Variants in TRIM55 observed in about 807,000 individuals in gnomAD.
TRIM55 encodes the protein tripartite motif-containing protein 55.
In TRIM55, 50 loss-of-function variants were observed where a neutral mutation model predicts 60.9. That is an observed-to-expected ratio of 0.82 (90% CI 0.65 to 1.04). The LOEUF is 1.04. TRIM55 is among the 50% of genes least tolerant of loss of function. The pLI, the probability that TRIM55 is intolerant of heterozygous loss-of-function variation, is 0.00. For missense variants in TRIM55, 681 were observed against 666.9 expected (o/e 1.02, Z -0.23); for synonymous variants, 237 against 238.1 (o/e 1.00, Z 0.04).
At chr8:66,132,712 C>T (rs532089350) in intron 2 of TRIM55, among the ~76,000 whole-genome samples, 19 of 152,256 alleles carry the variant, frequency 1.2e-4, no homozygotes, top group Admixed American at 5.9e-4. Flanking sequence ...CATGCCAAAT[C>T]GGTCCCAAGT....
chr8:66,168,499 G>C (rs1811446023), intron 9 of TRIM55, among the ~76,000 whole-genome samples: 1 of 152,208 alleles, frequency 6.6e-6, no homozygotes, highest in Admixed American at 6.5e-5. Context: ...ATCTGGCTTT[G>C]GTTCTCTGAC....
intron 2 of TRIM55, among the ~76,000 whole-genome samples, chr8:66,131,278 T>C (rs1809141726): frequency 6.6e-6 from 1 of 152,160 alleles, no homozygotes; most frequent in Non-Finnish European, 1.5e-5. Flanking sequence ...AATTCATTAC[T>C]ACTGGGCCTC....
the TRIM55 span, among the ~76,000 whole-genome samples, chr8:66,118,840 G>A: frequency 6.6e-6 from 1 of 152,160 alleles, no homozygotes; most frequent in Admixed American, 6.5e-5. Flanking sequence ...TCTCTCCGCT[G>A]CTCATGAGTG....
At chr8:66,166,430 GTGCTGTACATCC>G (rs555971786) in intron 9 of TRIM55, among the ~76,000 whole-genome samples, 251 of 152,276 alleles carry the variant, frequency 1.6e-3, no homozygotes, top group South Asian at 4.4e-3. Flanking sequence ...ACTTTTGTTA[GTGCTGTACATCC>G]TGTGGGATTT....
rs768531091 is a variant in TRIM55 at position 66,137,182 on chromosome 8, A to T, written c.595A>T (p.Thr199Ser). Residue 199 changes from threonine to serine, a missense_variant, in exon 4 of 10, where the codon ACT (threonine) becomes TCT (serine). Transcript: ENST00000315962. The part of the protein sequence containing the change: ...VISQLEDTCK[T>S]IEECCRKQKQ... ...CAGCCAGCTGGAAGACACCTGCAAA[A>T]CTATCGAGGTGAGTCAGGTGACTCC... 6.2e-7 allele frequency: 1 copy of T among 1,613,814 alleles called. No individual in the cohort carries two copies. The highest frequency in any genetic ancestry group is 1.3e-5 in the African/African-American group (1 of 74,904).
chr8:66,171,730 G>C (rs1425452796), intron 9 of TRIM55, among the ~76,000 whole-genome samples: 3 of 152,186 alleles, frequency 2.0e-5, no homozygotes, highest in African/African-American at 4.8e-5. Flanking sequence ...TCCATCTCGG[G>C]AAGGCTGTAG....
chr8:66,160,792 C>T (rs73250000), intron 9 of TRIM55, among the ~76,000 whole-genome samples: 7,882 of 151,114 alleles, frequency 0.052, 621 homozygotes, highest in African/African-American at 0.17. Flanking sequence ...TTTTTCTGTA[C>T]GCTTGTTGGC....
intron 2 of TRIM55, among the ~76,000 whole-genome samples, chr8:66,131,562 G>T (rs1443407440): frequency 6.6e-6 from 1 of 152,146 alleles, no homozygotes; most frequent in Non-Finnish European, 1.5e-5. Context: ...TGAACCCCTT[G>T]CTCCCTGGAT....
At position 66,152,588 on chromosome 8, in the gene TRIM55, T is replaced by A; in HGVS notation, c.1197T>A (p.Pro399=). 1 of 1,614,078 alleles carries A rather than the reference T, an allele frequency of 6.2e-7. No homozygotes were observed. Among genetic ancestry groups the A allele is most frequent in the Non-Finnish European group, 8.5e-7 (1 of 1,180,012 alleles). ...GALPVSSPEP[P]PALPPAADAP... is the part of the protein sequence containing the mutation. ...TTCCAGTTTCCTCTCCAGAGCCACC[T>A]CCAGCCCTGCCACCTGCTGCGGATG... The change falls in exon 8 of 10, where the codon CCT becomes CCA. Residue 399 remains proline (P), a synonymous_variant. Coordinates refer to ENST00000315962, the MANE Select transcript of TRIM55 (RefSeq NM_184085.2).
chr8:66,128,325 A>G lies in TRIM55; in HGVS notation c.190A>G (p.Thr64Ala). The change falls in exon 2 of 10, where the codon ACA becomes GCA. Residue 64 changes from threonine (T) to alanine (A), a missense_variant. By Grantham distance (58) the Thr-to-Ala change is moderately conservative (BLOSUM62 0). Coordinates refer to ENST00000315962, the MANE Select transcript of TRIM55 (RefSeq NM_184085.2). ...ACAGGCCTCTAACCCGTATTTGCCC[A>G]CAAGAGGAGGTACCACCATGGCATC... ...IFQASNPYLP[T>A]RGGTTMASGG... 1 of 1,609,384 alleles carries G rather than the reference A, an allele frequency of 6.2e-7. No individual in the cohort carries two copies. Among genetic ancestry groups the G allele is most frequent in the Non-Finnish European group, 8.5e-7 (1 of 1,178,056 alleles).
At chr8:66,128,944 T>G (rs1046845534) in intron 2 of TRIM55, among the ~76,000 whole-genome samples, 3 of 152,196 alleles carry the variant, frequency 2.0e-5, no homozygotes, top group Non-Finnish European at 4.4e-5. Context: ...TAAAATTGTT[T>G]GGATGATAAT....
chr8:66,144,267 C>A (rs895950447), intron 4 of TRIM55, among the ~76,000 whole-genome samples: 1 of 152,200 alleles, frequency 6.6e-6, no homozygotes, highest in Non-Finnish European at 1.5e-5. Context: ...TCCCACCCAT[C>A]ATCATCTTAC....
intron 4 of TRIM55, 138 bp from the exon 5 acceptor site, chr8:66,149,507 A>G (rs958621150): frequency 1.5e-6 from 1 of 662,510 alleles, no homozygotes; most frequent in Admixed American, 2.9e-5. Flanking sequence ...GGGTATCCAT[A>G]CCTAAATAGA....
chr8:66,120,788 C>T, the TRIM55 span, among the ~76,000 whole-genome samples: 1 of 152,164 alleles, frequency 6.6e-6, no homozygotes, highest in Non-Finnish European at 1.5e-5. Context: ...CTTTTTGGCT[C>T]TAATAAAACT....
intron 3 of TRIM55, among the ~76,000 whole-genome samples, 167 bp downstream of exon 3, chr8:66,135,322 G>T (rs190622146): frequency 6.6e-6 from 1 of 152,358 alleles, no homozygotes; most frequent in Non-Finnish European, 1.5e-5. Flanking sequence ...CATGTGCACA[G>T]TTGTGCACGA....
At chr8:66,149,348 GA>G (rs1275001701) in intron 4 of TRIM55, among the ~76,000 whole-genome samples, 1 of 151,994 alleles carries the variant, frequency 6.6e-6, no homozygotes, top group African/African-American at 2.4e-5. Context: ...TAATATAAAA[GA>G]AAATCATTCT....
At chr8:66,121,485 T>TTG in the TRIM55 span, among the ~76,000 whole-genome samples, 16 of 152,368 alleles carry the variant, frequency 1.1e-4, no homozygotes, top group East Asian at 3.1e-3. Context: ...GACCTAAAGC[T>TTG]ACCTTCATAC....
chr8:66,142,242 A>G (rs1306560329), intron 4 of TRIM55, among the ~76,000 whole-genome samples: 1 of 152,220 alleles, frequency 6.6e-6, no homozygotes, highest in Non-Finnish European at 1.5e-5. Context: ...GAGATTCTGG[A>G]GCATCTTTTA....
intron 4 of TRIM55, among the ~76,000 whole-genome samples, chr8:66,142,358 G>T (rs752369455): frequency 6.6e-6 from 1 of 152,152 alleles, no homozygotes; most frequent in African/African-American, 2.4e-5. Flanking sequence ...AATGACTTCC[G>T]TTATTTATCT....
Sources: allele counts gnomAD v4.1 joint callset (sites outside exome capture counted in the v4.1 genomes callset), GRCh38; gene constraint gnomAD v4.1.1; transcripts MANE v1.5; gene names NCBI Gene and HGNC (gene_info 2026-07-23, HGNC 2026-07-21).